Variants in PTPRT observed in about 807,000 individuals in gnomAD.
PTPRT encodes receptor-type tyrosine-protein phosphatase T.
In PTPRT, 56 loss-of-function variants were observed where a neutral mutation model predicts 176.8. The ratio of observed to expected loss-of-function variants is 0.32; its 90% CI spans 0.26 to 0.40. The LOEUF is 0.40. Among genes scored for constraint, PTPRT ranks in the 10% least tolerant of loss-of-function variants. PTPRT has a pLI of 1.00. For synonymous variants in PTPRT, 783 were observed against 739.0 expected (o/e 1.06, Z -0.96); for missense variants, 1,540 against 1,908.2 (o/e 0.81, Z 3.60).
Position 42,385,104 on chromosome 20 carries a change from C to T in PTPRT, c.1561-32819G>A, listed in dbSNP as rs1005168509. Among the ~76,000 whole-genome samples the T allele has an allele frequency of 4.6e-5, 7 of 152,192 alleles. No homozygotes were observed. In the East Asian group the frequency reaches 1.4e-3, roughly 29 times the overall value. On this transcript the variant is annotated intron_variant, in intron 9 of 30. Coordinates refer to ENST00000373187, the MANE Select transcript of PTPRT (RefSeq NM_007050.6). ...TGTAGTTTGATGTGATTCCAATGGC[C>T]TATTTTTACTTTTGTTGTTTATGCT...
At chr20:42,712,220 T>C (rs16987276) in intron 6 of PTPRT, among the ~76,000 whole-genome samples, 16,478 of 152,134 alleles carry the variant, frequency 0.11, 1,130 homozygotes, top group African/African-American at 0.19. Context: ...GGTGCCAAGA[T>C]AGTCCCTTTC....
chr20:42,455,536 A>G lies in PTPRT; in HGVS notation c.1451-7207T>C, dbSNP rs1448812931. ...GAAACACTTTCTCTATCCTGAAGTC[A>G]TGAGAATATTTGTCTAAATTTTCAT... On this transcript the variant is annotated intron_variant, in intron 8 of 30. Transcript: ENST00000373187. 2.6e-5 allele frequency among the ~76,000 whole-genome samples: 4 copies of G among 152,334 alleles called. No individual in the cohort carries two copies. The South Asian group carries it at 8.3e-4, about 32-fold the overall frequency.
chr20:42,316,093 A>C, intron 11 of PTPRT, 97 bp from the exon 12 acceptor site: 1 of 1,379,932 alleles, frequency 7.2e-7, no homozygotes, highest in Non-Finnish European at 1.0e-6. Context: ...CCTATGTGGA[A>C]GCATTGGTTC....
intron 17 of PTPRT, among the ~76,000 whole-genome samples, chr20:42,155,438 G>T (rs1468207892): frequency 9.2e-5 from 14 of 152,132 alleles, no homozygotes; most frequent in East Asian, 5.8e-4. Context: ...GGCCCAGCTG[G>T]CTCGGCCAAT....
chr20:42,843,307 G>GCC (rs2078311682), intron 2 of PTPRT, among the ~76,000 whole-genome samples: 1 of 152,206 alleles, frequency 6.6e-6, no homozygotes, highest in Non-Finnish European at 1.5e-5. Flanking sequence ...TTCGTATGCT[G>GCC]ATGGATTCAG....
At chr20:42,909,126 G>A (rs1050758284) in intron 1 of PTPRT, among the ~76,000 whole-genome samples, 3 of 152,192 alleles carry the variant, frequency 2.0e-5, no homozygotes, top group African/African-American at 7.2e-5. Context: ...CTGCACTTCA[G>A]TCTGGGCGAC....
At chr20:42,736,870 CA>C (rs1479891387) in intron 6 of PTPRT, among the ~76,000 whole-genome samples, 3 of 152,210 alleles carry the variant, frequency 2.0e-5, no homozygotes, top group African/African-American at 7.2e-5. Context: ...CAGACCTCAT[CA>C]CACTCTTGTC....
intron 1 of PTPRT, among the ~76,000 whole-genome samples, chr20:42,935,047 A>G (rs1482485224): frequency 3.4e-5 from 5 of 146,204 alleles, no homozygotes; most frequent in Non-Finnish European, 6.0e-5. Flanking sequence ...ACTGCACTCC[A>G]GCCTGGGCAA....
intron 2 of PTPRT, among the ~76,000 whole-genome samples, chr20:42,829,429 G>C (rs913789114): frequency 6.6e-6 from 1 of 152,282 alleles, no homozygotes; most frequent in Admixed American, 6.5e-5. Flanking sequence ...TTGGGGGACT[G>C]TTAGAAGGCC....
chr20:42,941,590 A>G (rs978787446), intron 1 of PTPRT, among the ~76,000 whole-genome samples: 2 of 152,100 alleles, frequency 1.3e-5, no homozygotes, highest in Non-Finnish European at 1.5e-5. Flanking sequence ...CTCAGTTGCT[A>G]TGGCTTCTTA....
At chr20:42,244,549 G>C (rs1313205763) in intron 14 of PTPRT, among the ~76,000 whole-genome samples, 1 of 152,192 alleles carries the variant, frequency 6.6e-6, no homozygotes, top group Non-Finnish European at 1.5e-5. Context: ...GGACGGGTTA[G>C]TGTAGGATCC....
At position 42,854,091 on chromosome 20, in the gene PTPRT, C is replaced by T. The variant is rs146793814; in HGVS notation, c.214+31716G>A. Among the ~76,000 whole-genome samples the T allele has an allele frequency of 3.6e-3, 548 of 152,260 alleles. 3 individuals are homozygous for T. Among genetic ancestry groups the T allele is most frequent in the African/African-American group, 0.013 (520 of 41,548 alleles). Reference sequence around the variant, plus strand: ...TGCAGTACCATTACGGCTCACAATACCTCGTCACAACATGACTCTGGATCT... The same window carrying T: ...TGCAGTACCATTACGGCTCACAATATCTCGTCACAACATGACTCTGGATCT... On this transcript the variant is annotated intron_variant, in intron 2 of 30. Transcript: ENST00000373187.
At chr20:42,351,918 T>G (rs1393291572) in intron 10 of PTPRT, among the ~76,000 whole-genome samples, 166 bp downstream of exon 10, 2 of 152,222 alleles carry the variant, frequency 1.3e-5, no homozygotes, top group Non-Finnish European at 2.9e-5. Flanking sequence ...GTTCATCACT[T>G]AGATTTTCTT....
intron 7 of PTPRT, among the ~76,000 whole-genome samples, chr20:42,652,135 G>C (rs1156772066): frequency 6.6e-6 from 1 of 151,016 alleles, no homozygotes; most frequent in Non-Finnish European, 1.5e-5. Context: ...TTAATAAGTA[G>C]AGAATGTAGG....
At chr20:42,789,930 C>T (rs921601760) in intron 3 of PTPRT, among the ~76,000 whole-genome samples, 3 of 152,166 alleles carry the variant, frequency 2.0e-5, no homozygotes. Flanking sequence ...TGGATATTAA[C>T]TTGGAGAATG....
the PTPRT span, among the ~76,000 whole-genome samples, chr20:42,037,965 T>C: frequency 1.3e-5 from 2 of 152,188 alleles, no homozygotes; most frequent in Non-Finnish European, 2.9e-5. Flanking sequence ...GTAACATTTA[T>C]GGAGCACTCA....
At chr20:42,616,454 G>C (rs1180108318) in intron 7 of PTPRT, among the ~76,000 whole-genome samples, 1 of 126,236 alleles carries the variant, frequency 7.9e-6, no homozygotes, top group Non-Finnish European at 1.7e-5. Flanking sequence ...CTTTAAAGTA[G>C]TTTTTTCCAA....
chr20:42,877,326 A>C (rs1461781530), intron 2 of PTPRT, among the ~76,000 whole-genome samples: 2 of 152,150 alleles, frequency 1.3e-5, no homozygotes, highest in Non-Finnish European at 2.9e-5. Context: ...CACCTGCTGC[A>C]TCCAGGTTAC....
intron 7 of PTPRT, among the ~76,000 whole-genome samples, chr20:42,519,197 T>C (rs1487881153): frequency 6.6e-6 from 1 of 152,148 alleles, no homozygotes; most frequent in East Asian, 1.9e-4. Flanking sequence ...AAATTATTGT[T>C]TCAAGAATGT....
Sources: gnomAD v4.1 joint callset for allele counts (sites outside exome capture counted in the v4.1 genomes callset) on GRCh38, gnomAD v4.1.1 for gene constraint, MANE v1.5 for transcripts, NCBI Gene and HGNC (gene_info 2026-07-23, HGNC 2026-07-21) for gene names.